Variants in SLC5A7 observed in about 807,000 individuals in gnomAD.
SLC5A7 encodes the protein solute carrier family 5 member 7.
A neutral mutation model predicts 55.4 loss-of-function variants in SLC5A7; 19 were observed. That is an observed-to-expected ratio of 0.34 (90% CI 0.24 to 0.50). The LOEUF is 0.50. Ranked by LOEUF, SLC5A7 falls within the 20% of genes least tolerant of loss-of-function variation. The pLI, the probability that SLC5A7 is intolerant of heterozygous loss-of-function variation, is 0.98. For synonymous variants in SLC5A7, 265 were observed against 263.7 expected (o/e 1.00, Z -0.05); for missense variants, 506 against 705.3 (o/e 0.72, Z 3.20).
At chr2:108,003,873 G>A (rs1428140114) in intron 6 of SLC5A7, among the ~76,000 whole-genome samples, 2 of 152,184 alleles carry the variant, frequency 1.3e-5, no homozygotes, top group Non-Finnish European at 2.9e-5. Context: ...CTGGAGGCTG[G>A]AAATCTCAGA....
Position 108,013,735 on chromosome 2 carries a change from G to A in SLC5A7, c.*2874G>A, listed in dbSNP as rs1182000527. On this transcript the variant is annotated 3_prime_UTR_variant, in exon 9 of 9. Transcript: ENST00000264047. The stretch of plus-strand genomic sequence containing the variant: ...TATTTTATTTTCATACTTTTGATAT[G>A]ATTGTAACATATTTCTTGAGTAATT... 2.0e-5 allele frequency: 3 copies of A among 152,138 alleles called. No homozygotes were observed. The East Asian group carries it at 5.8e-4, about 29-fold the overall frequency. 9.4% of individuals were successfully genotyped at this position (152,138 alleles called of 1,614,324 possible). A position where few individuals can be genotyped will look rare whatever the true frequency, so the allele number is the denominator to read the frequency against.
chr2:108,010,342 C>T lies in SLC5A7; in HGVS notation c.1224C>T (p.Leu408=). The stretch of plus-strand genomic sequence containing the variant: ...AAACTGTGTATGGGCTCTGGTACCT[C>T]AGTTCTGACCTTGTTTACATCGTTA... ...LTKTVYGLWY[L]SSDLVYIVIF... is the part of the protein sequence containing the mutation. Residue 408 remains leucine, a synonymous_variant, in exon 9 of 9, where the codon CTC becomes CTT. Transcript: ENST00000264047. 2 of 1,613,962 alleles carry T rather than the reference C, an allele frequency of 1.2e-6. No homozygotes were observed. Among genetic ancestry groups the T allele is most frequent in the Non-Finnish European group, 8.5e-7 (1 of 1,179,916 alleles).
intron 5 of SLC5A7, among the ~76,000 whole-genome samples, chr2:108,000,966 T>C (rs1333797577): frequency 1.3e-5 from 2 of 148,856 alleles, no homozygotes; most frequent in Non-Finnish European, 3.0e-5. Context: ...TCTTGCTCTG[T>C]TGCCCAGGTT....
At position 108,010,985 on chromosome 2, in the gene SLC5A7, C is replaced by A; in HGVS notation, c.*124C>A. 9.3e-7 allele frequency: 1 copy of A among 1,076,344 alleles called. No individual in the cohort carries two copies. Among genetic ancestry groups the A allele is most frequent in the Non-Finnish European group, 1.2e-6 (1 of 807,648 alleles). The allele number at this position is 1,076,344 out of a possible 1,614,324, so 66.7% of individuals were successfully genotyped here. On this transcript the variant is annotated 3_prime_UTR_variant, in exon 9 of 9. Coordinates refer to ENST00000264047, the MANE Select transcript of SLC5A7 (RefSeq NM_021815.5). ...AACAATGTTCAGGAGAGTAAAAATT[C>A]ATATAAAGTGCAATTGCACAAATAC...
At position 108,008,650 on chromosome 2, in the gene SLC5A7, C is replaced by T. The variant is rs376624433; in HGVS notation, c.1081C>T (p.Arg361Trp). The T allele has an allele frequency of 5.2e-5, 84 of 1,613,038 alleles. No homozygotes were observed. Among genetic ancestry groups the T allele is most frequent in the African/African-American group, 1.9e-4 (14 of 74,738 alleles). ...CTTGTCAGCAAGTTCCATGTTTGCA[C>T]GGAACATCTACCAGCTTTCCTTCAG... ...SILSASSMFA[R>W]NIYQLSFRQN... is the part of the protein sequence containing the mutation. The change falls in exon 8 of 9, where the codon CGG (arginine) becomes TGG (tryptophan). Residue 361 changes from arginine to tryptophan, a missense_variant. This residue lies in a region of SLC5A7 where 309 missense variants were observed against 478.6 expected (regional missense o/e 0.65). Coordinates refer to ENST00000264047, the MANE Select transcript of SLC5A7 (RefSeq NM_021815.5).
chr2:108,010,697 G>T lies in SLC5A7; in HGVS notation c.1579G>T (p.Asp527Tyr). The T allele has an allele frequency of 6.2e-7, 1 of 1,613,826 alleles. No individual in the cohort carries two copies. Among genetic ancestry groups the T allele is most frequent in the Non-Finnish European group, 8.5e-7 (1 of 1,179,892 alleles). Residue 527 changes from aspartate (D) to tyrosine (Y), a missense_variant, in exon 9 of 9, where the codon GAT becomes TAT. Coordinates refer to ENST00000264047, the MANE Select transcript of SLC5A7 (RefSeq NM_021815.5). ...TGCAAGACACAGTGAAGAAAACATG[G>T]ATAAGACAATTCTTGTCAAAAATGA... ...VVARHSEENM[D>Y]KTILVKNENI...
intron 6 of SLC5A7, among the ~76,000 whole-genome samples, chr2:108,004,098 T>A (rs1462208739): frequency 6.6e-6 from 1 of 152,078 alleles, no homozygotes; most frequent in Admixed American, 6.6e-5. Flanking sequence ...GGGATTAGAG[T>A]TTCAACATAT....
Position 108,012,678 on chromosome 2 carries a change from T to A in SLC5A7, c.*1817T>A, listed in dbSNP as rs1429539514. 1 of 152,140 alleles carries A rather than the reference T, an allele frequency of 6.6e-6. No individual in the cohort carries two copies. Among genetic ancestry groups the A allele is most frequent in the Non-Finnish European group, 1.5e-5 (1 of 68,024 alleles). The allele number at this position is 152,140 out of a possible 1,614,324, so 9.4% of individuals were successfully genotyped here. On this transcript the variant is annotated 3_prime_UTR_variant, in exon 9 of 9. Coordinates refer to ENST00000264047, the MANE Select transcript of SLC5A7 (RefSeq NM_021815.5). The stretch of plus-strand genomic sequence containing the variant: ...TAAATGAAAAGAGAATTACTTATAT[T>A]CATCTATTTTCTCAGAATCTATTCA...
chr2:108,001,437 G>A (rs1325984673), intron 5 of SLC5A7, among the ~76,000 whole-genome samples: 2 of 152,056 alleles, frequency 1.3e-5, no homozygotes, highest in African/African-American at 4.8e-5. Context: ...ACTTTGGGAG[G>A]CCGAGGCGGG....
intron 6 of SLC5A7, among the ~76,000 whole-genome samples, chr2:108,003,564 C>T (rs1046735895): frequency 1.3e-5 from 2 of 152,178 alleles, no homozygotes; most frequent in Non-Finnish European, 2.9e-5. Flanking sequence ...AGTGGTCTCT[C>T]CTACATCCCC....
Position 107,997,997 on chromosome 2 carries a change from G to A in SLC5A7, c.597+11G>A. ...ATTTTTGTAGGGCTGGTAAGTGGGA[G>A]CACCCAAGATTCTCCTCCTTTTTTT... On this transcript the variant is annotated intron_variant, in intron 5 of 8. Coordinates refer to ENST00000264047, the MANE Select transcript of SLC5A7 (RefSeq NM_021815.5). 1.2e-6 allele frequency: 2 copies of A among 1,605,482 alleles called. No homozygotes were observed. The highest frequency in any genetic ancestry group is 2.2e-5 in the East Asian group (1 of 44,786).
chr2:107,993,451 C>T (rs557213867), intron 4 of SLC5A7, among the ~76,000 whole-genome samples: 2 of 152,146 alleles, frequency 1.3e-5, no homozygotes, highest in East Asian at 3.9e-4. Flanking sequence ...CTAAAAAGTG[C>T]AGTTTACTTA....
Position 107,988,153 on chromosome 2 carries a change from A to G in SLC5A7, c.-3A>G. The G allele has an allele frequency of 1.9e-6, 3 of 1,611,488 alleles. No individual in the cohort carries two copies. The highest frequency in any genetic ancestry group is 2.5e-6 in the Non-Finnish European group (3 of 1,177,988). On this transcript the variant is annotated 5_prime_UTR_variant, in exon 2 of 9. Coordinates refer to ENST00000264047, the MANE Select transcript of SLC5A7 (RefSeq NM_021815.5). ...GCAGAAGAATCTGGATCATTAGATA[A>G]AAATGGCTTTCCATGTGGAAGGACT... is the stretch of plus-strand genomic sequence containing the variant.
chr2:107,994,561 G>A (rs1215400583), intron 4 of SLC5A7, among the ~76,000 whole-genome samples: 1 of 152,082 alleles, frequency 6.6e-6, no homozygotes, highest in Non-Finnish European at 1.5e-5. Context: ...ACTCCAGCCT[G>A]GGCGACAGAG....
Position 107,988,148 on chromosome 2 carries a change from A to G in SLC5A7, c.-8A>G, listed in dbSNP as rs772969847. 3.8e-5 allele frequency: 61 copies of G among 1,610,798 alleles called. 2 individuals carry two copies. In the Middle Eastern group the frequency reaches 4.9e-4, roughly 13 times the overall value. On this transcript the variant is annotated 5_prime_UTR_variant, in exon 2 of 9. Transcript: ENST00000264047. ...CAGCTGCAGAAGAATCTGGATCATT[A>G]GATAAAAATGGCTTTCCATGTGGAA...
rs1678431630 is a variant in SLC5A7, at chr2:108,013,853, A to G, written c.*2992A>G. On this transcript the variant is annotated 3_prime_UTR_variant, in exon 9 of 9. Transcript: ENST00000264047. ...AAGTTGTTTCAAACAGCATCAAAAT[A>G]CAACTTCATTGCTACACTTACAAGT... 1 of 152,198 alleles carries G rather than the reference A, an allele frequency of 6.6e-6. No individual in the cohort carries two copies. The highest frequency in any genetic ancestry group is 1.5e-5 in the Non-Finnish European group (1 of 68,026). 9.4% of individuals were successfully genotyped at this position (152,198 alleles called of 1,614,324 possible).
rs142367765 is a variant in SLC5A7 at position 107,993,209 on chromosome 2, G to T, written c.448+82G>T. Reference sequence around the variant, plus strand: ...CACAACCTTACTTTCCTCAGCCTTGGCTTCTGAGGACATTTTTATTAAAAC... The same window carrying T: ...CACAACCTTACTTTCCTCAGCCTTGTCTTCTGAGGACATTTTTATTAAAAC... On this transcript the variant is annotated intron_variant, in intron 4 of 8. Coordinates refer to ENST00000264047, the MANE Select transcript of SLC5A7 (RefSeq NM_021815.5). 1.9e-3 allele frequency: 2,782 copies of T among 1,465,382 alleles called. 7 individuals are homozygous for T. The highest frequency in any genetic ancestry group is 2.3e-3 in the Non-Finnish European group (2,504 of 1,072,334). The allele number at this position is 1,465,382 out of a possible 1,614,324, so 90.8% of individuals were successfully genotyped here. A position where few individuals can be genotyped will look rare whatever the true frequency, so the allele number is the denominator to read the frequency against.
At position 108,008,620 on chromosome 2, in the gene SLC5A7, T is replaced by C; in HGVS notation, c.1051T>C (p.Ser351Pro). Residue 351 changes from serine to proline, a missense_variant, in exon 8 of 9, where the codon TCC (serine) becomes CCC (proline). This residue lies in a region of SLC5A7 where 309 missense variants were observed against 478.6 expected (regional missense o/e 0.65). Coordinates refer to ENST00000264047, the MANE Select transcript of SLC5A7 (RefSeq NM_021815.5). Reference sequence around the variant, plus strand: ...TGCTGTTATGTCATCAGCAGATTCTTCCATCTTGTCAGCAAGTTCCATGTT... The same window carrying C: ...TGCTGTTATGTCATCAGCAGATTCTCCCATCTTGTCAGCAAGTTCCATGTT... ...SAAVMSSADS[S>P]ILSASSMFAR... The C allele has an allele frequency of 6.2e-7, 1 of 1,613,654 alleles. No individual in the cohort carries two copies. The highest frequency in any genetic ancestry group is 8.5e-7 in the Non-Finnish European group (1 of 1,179,856).
chr2:108,002,194 C>G (rs947157103), intron 6 of SLC5A7, among the ~76,000 whole-genome samples, 154 bp downstream of exon 6: 34 of 152,118 alleles, frequency 2.2e-4, no homozygotes, highest in African/African-American at 8.0e-4. Flanking sequence ...GAGCCAGGGC[C>G]GGACTATCGT....
Sources: gnomAD v4.1 joint callset for allele counts (sites outside exome capture counted in the v4.1 genomes callset) on GRCh38, gnomAD v4.1.1 for gene constraint, gnomAD v4.1.1 regional missense constraint, MANE v1.5 for transcripts, NCBI Gene and HGNC (gene_info 2026-07-23, HGNC 2026-07-21) for gene names.